SOX5: variants seen among roughly 807,000 people sequenced by gnomAD.
SOX5 encodes the protein transcription factor SOX-5.
Under a neutral mutation model 92.0 loss-of-function variants are expected in SOX5, and 9 were observed. The ratio of observed to expected loss-of-function variants is 0.10; its 90% CI spans 0.06 to 0.17. SOX5 has a LOEUF of 0.17. Ranked by LOEUF, SOX5 falls within the 10% of genes least tolerant of loss-of-function variation. The pLI is 1.00. For missense variants in SOX5, 642 were observed against 944.5 expected (o/e 0.68, Z 4.20); for synonymous variants, 344 against 336.3 (o/e 1.02, Z -0.25).
chr12:24,180,878 C>A (rs182755796), intron 4 of SOX5, among the ~76,000 whole-genome samples: 1 of 152,294 alleles, frequency 6.6e-6, no homozygotes, highest in East Asian at 1.9e-4. Flanking sequence ...AATTCTACCA[C>A]CATTCTACTC....
At chr12:23,910,456 A>G (rs2097339838) in intron 1 of SOX5, among the ~76,000 whole-genome samples, 1 of 152,104 alleles carries the variant, frequency 6.6e-6, no homozygotes, top group South Asian at 2.1e-4. Context: ...CGCATTTCCT[A>G]TTTTCAAGTT....
chr12:24,533,582 A>G (rs1951377737), intron 1 of SOX5, among the ~76,000 whole-genome samples: 1 of 152,238 alleles, frequency 6.6e-6, no homozygotes, highest in Non-Finnish European at 1.5e-5. Context: ...ATAAAACAGC[A>G]TAAAACAAAT....
chr12:23,728,233 A>G (rs1319739776), intron 6 of SOX5, among the ~76,000 whole-genome samples: 2 of 152,174 alleles, frequency 1.3e-5, no homozygotes, highest in Non-Finnish European at 2.9e-5. Context: ...TCTGAATGCC[A>G]GGAAATTGTA....
chr12:24,334,913 T>A (rs74490626), intron 2 of SOX5, among the ~76,000 whole-genome samples: 2 of 147,824 alleles, frequency 1.4e-5, no homozygotes, highest in African/African-American at 5.0e-5. Flanking sequence ...CCCAATTATG[T>A]AAAAAAAAAA....
At chr12:23,957,492 G>T (rs1006485525) in intron 4 of SOX5, among the ~76,000 whole-genome samples, 1 of 152,104 alleles carries the variant, frequency 6.6e-6, no homozygotes, top group Admixed American at 6.5e-5. Flanking sequence ...GGCGTAGGGG[G>T]GAATAAATAC....
At chr12:24,161,198 A>G (rs1952720110) in intron 4 of SOX5, among the ~76,000 whole-genome samples, 1 of 152,148 alleles carries the variant, frequency 6.6e-6, no homozygotes, top group African/African-American at 2.4e-5. Context: ...GAGGGTCTTA[A>G]ATCTCCCACT....
intron 13 of SOX5, among the ~76,000 whole-genome samples, chr12:23,539,404 C>CTT (rs1194534485): frequency 6.6e-6 from 1 of 151,628 alleles, no homozygotes; most frequent in African/African-American, 2.4e-5. Flanking sequence ...TATTATTTTC[C>CTT]TTATAGTTGT....
At chr12:24,082,535 A>G (rs1485771505) in intron 4 of SOX5, among the ~76,000 whole-genome samples, 2 of 151,438 alleles carry the variant, frequency 1.3e-5, no homozygotes, top group Non-Finnish European at 3.0e-5. Flanking sequence ...TTTAATTAAG[A>G]ATGGGATTTG....
chr12:24,151,732 A>G (rs1951676427), intron 4 of SOX5, among the ~76,000 whole-genome samples: 1 of 152,156 alleles, frequency 6.6e-6, no homozygotes, highest in South Asian at 2.1e-4. Flanking sequence ...TATGCCCTCA[A>G]GCTTGGGTTG....
At position 24,546,305 on chromosome 12, in the gene SOX5, T is replaced by G. The variant is rs564631022; in HGVS notation, c.-251+16024A>C. Among the ~76,000 whole-genome samples, 5 of 152,278 alleles carry G rather than the reference T, an allele frequency of 3.3e-5. No individual in the cohort carries two copies. The East Asian group carries it at 9.6e-4, about 29-fold the overall frequency. On this transcript the variant is annotated intron_variant, in intron 1 of 4. Transcript: ENST00000446891. The stretch of plus-strand genomic sequence containing the variant: ...TAACTGCTGACTTCAGGAGCTAGTT[T>G]TCCATTTTTTGCTTACTCTGTCATT...
At chr12:24,254,984 CCA>C (rs1565761801) in intron 3 of SOX5, among the ~76,000 whole-genome samples, 2 of 151,876 alleles carry the variant, frequency 1.3e-5, no homozygotes, top group Admixed American at 1.3e-4. Context: ...TATTAATATA[CCA>C]CAGACTTCAA....
rs563996825 is a variant in SOX5, at chr12:24,129,938, T to G, written c.-2+83405A>C. Among the ~76,000 whole-genome samples, 14 of 152,360 alleles carry G rather than the reference T, an allele frequency of 9.2e-5. No homozygotes were observed. The South Asian group carries it at 1.0e-3, about 11-fold the overall frequency. On this transcript the variant is annotated intron_variant, in intron 4 of 4. Transcript: ENST00000446891. Reference sequence around the variant, plus strand: ...CATTTTATTTTAAATAGTTCTAACATGCCCATGGTAAAAACTCAAACTAAA... The same window carrying G: ...CATTTTATTTTAAATAGTTCTAACAGGCCCATGGTAAAAACTCAAACTAAA...
chr12:23,811,252 C>G (rs552916926), intron 3 of SOX5, among the ~76,000 whole-genome samples: 16 of 152,046 alleles, frequency 1.1e-4, no homozygotes. Context: ...ATATTTTGGC[C>G]TAATATTAAG....
chr12:23,702,751 A>T (rs527425704), intron 6 of SOX5, among the ~76,000 whole-genome samples: 28 of 149,368 alleles, frequency 1.9e-4, no homozygotes, highest in Admixed American at 1.4e-3. Flanking sequence ...AGAAACAGAG[A>T]GTGTGTGTGT....
intron 1 of SOX5, among the ~76,000 whole-genome samples, chr12:24,376,863 C>G (rs117699186): frequency 0.026 from 3,825 of 144,734 alleles, 82 homozygotes; most frequent in Non-Finnish European, 0.04. Context: ...GCCCCATGCC[C>G]AGCTAATTTT....
chr12:23,990,619 C>A (rs1592125687), intron 4 of SOX5, among the ~76,000 whole-genome samples: 1 of 152,148 alleles, frequency 6.6e-6, no homozygotes, highest in Non-Finnish European at 1.5e-5. Flanking sequence ...AAAGAACCAT[C>A]ATCTCATCAC....
chr12:24,201,414 G>T (rs1957507468), intron 4 of SOX5, among the ~76,000 whole-genome samples: 1 of 151,934 alleles, frequency 6.6e-6, no homozygotes, highest in Non-Finnish European at 1.5e-5. Flanking sequence ...GGAGTTTCCT[G>T]ATGCTAAAAG....
At chr12:24,479,228 G>A (rs541929931) in intron 1 of SOX5, among the ~76,000 whole-genome samples, 7 of 151,910 alleles carry the variant, frequency 4.6e-5, no homozygotes, top group East Asian at 1.9e-4. Flanking sequence ...TGGTAACTCC[G>A]ACCACTCCTC....
intron 4 of SOX5, among the ~76,000 whole-genome samples, chr12:24,109,173 T>A (rs1290584093): frequency 6.6e-6 from 1 of 152,158 alleles, no homozygotes; most frequent in African/African-American, 2.4e-5. Flanking sequence ...GAGTATGTCT[T>A]TAAAGAGTAA....
Sources: gnomAD v4.1 joint callset for allele counts (sites outside exome capture counted in the v4.1 genomes callset) on GRCh38, gnomAD v4.1.1 for gene constraint, MANE v1.5 for transcripts, NCBI Gene and HGNC (gene_info 2026-07-23, HGNC 2026-07-21) for gene names.